Variants in APP observed in about 807,000 individuals in gnomAD.
The protein encoded by APP is amyloid beta precursor protein.
A neutral mutation model predicts 101.4 loss-of-function variants in APP; 31 were observed. The ratio of observed to expected loss-of-function variants is 0.31; its 90% confidence interval spans 0.23 to 0.41. The LOEUF (loss-of-function observed/expected upper bound fraction) is 0.41, where lower values mean the gene tolerates loss of function less well. Ranked by LOEUF, APP falls within the 10% of genes least tolerant of loss-of-function variation. The pLI is 1.00. For synonymous variants in APP, 366 were observed against 364.4 expected, an observed-to-expected ratio of 1.00 and a Z score of -0.05; for missense variants, 839 against 1,003.7, an observed-to-expected ratio of 0.84 and a Z score of 2.22.
In APP at chr21:25,945,748, C is replaced by T. The variant is rs769122492; in HGVS notation, c.1687+8842G>A. ...GGGTCTTGCTCTATTGCCCAGGTGG[C>T]GTGATCAAGGCTCACTGCAGCCTCA... is the stretch of plus-strand genomic sequence containing the variant. On this transcript the variant is annotated intron_variant, in intron 13 of 17. Transcript: ENST00000346798. The T allele has an allele frequency of 3.6e-5, 13 of 359,286 alleles. No individual in the cohort carries two copies. In the Middle Eastern group the frequency reaches 3.9e-3, roughly 108 times the overall value. 22.3% of individuals were successfully genotyped at this position (359,286 alleles called of 1,614,324 possible).
At chr21:26,105,806 A>G (rs796856831) in intron 2 of APP, among the ~76,000 whole-genome samples, 1 of 152,204 alleles carries the variant, frequency 6.6e-6, no homozygotes, top group Non-Finnish European at 1.5e-5. Flanking sequence ...ATCCTAATGC[A>G]TGATGCACTC....
rs1354168608 is a variant in APP, at chr21:25,901,295, TTAAA to T, written c.1964-3626_1964-3623del. Among the ~76,000 whole-genome samples the T allele has an allele frequency of 6.1e-3, 459 of 75,288 alleles. 9 individuals carry two copies. Among genetic ancestry groups the T allele is most frequent in the Non-Finnish European group, 0.012 (309 of 25,472 alleles). The allele number at this position is 75,288 out of a possible 152,430, so 49.4% of individuals were successfully genotyped here. ...CCTGGAAACAGAGACAAATCCTGTTTTAAAAAAAAAAAAAAAAAAAAAACAAAAC... is the reference window on the plus strand; with the variant it reads ...CCTGGAAACAGAGACAAATCCTGTTTAAAAAAAAAAAAAAAAAAACAAAAC... On this transcript the variant is annotated intron_variant, in intron 15 of 17. Transcript: ENST00000346798.
intron 5 of APP, among the ~76,000 whole-genome samples, 166 bp downstream of exon 5, chr21:26,050,834 A>G (rs188409496): frequency 7.9e-5 from 12 of 152,366 alleles, no homozygotes; most frequent in Non-Finnish European, 1.3e-4. Context: ...TTAATTCAAC[A>G]GGATGCCATA....
At chr21:25,948,307 C>A (rs1600993994) in intron 13 of APP, among the ~76,000 whole-genome samples, 1 of 151,986 alleles carries the variant, frequency 6.6e-6, no homozygotes, top group Admixed American at 6.6e-5. Flanking sequence ...ACCCACTAAA[C>A]CCCCAAATCA....
chr21:25,997,398 T>A lies in APP; in HGVS notation c.1052A>T (p.Lys351Met). The A allele has an allele frequency of 1.2e-6, 2 of 1,613,676 alleles. No individual in the cohort carries two copies. Among genetic ancestry groups the A allele is most frequent in the South Asian group, 2.2e-5 (2 of 91,074 alleles). The change falls in exon 8 of 18, where the codon AAG (lysine) becomes ATG (methionine). Residue 351 changes from lysine to methionine, a missense_variant. By Grantham distance (95) the Lys-to-Met change is moderately conservative (BLOSUM62 -1). Coordinates refer to ENST00000346798, the MANE Select transcript of APP (RefSeq NM_000484.4). ...CGSAMSQSLL[K>M]TTQEPLARDP... Reference sequence around the variant, plus strand: ...TCGGGCAAGAGGTTCCTGGGTAGTCTTGAGTAAACTTTGGGACACTATGGA... The same window carrying A: ...TCGGGCAAGAGGTTCCTGGGTAGTCATGAGTAAACTTTGGGACACTATGGA...
In APP at chr21:26,019,159, A is replaced by G. The variant is rs529126285; in HGVS notation, c.865+2681T>C. Among the ~76,000 whole-genome samples, 91 of 152,312 alleles carry G rather than the reference A, an allele frequency of 6.0e-4. 2 individuals are homozygous for G. The South Asian group carries it at 0.019, about 31-fold the overall frequency. On this transcript the variant is annotated intron_variant, in intron 6 of 17. Coordinates refer to ENST00000346798, the MANE Select transcript of APP (RefSeq NM_000484.4). ...AATCTCTTTATTGTCTCCTGGAAAA[A>G]TCTGCAGCGCACAGTAGCTTCTGAA...
rs1317043213 is a variant in APP at position 25,891,719 on chromosome 21, T to A, written c.2211+3A>T. 6.2e-7 allele frequency: 1 copy of A among 1,613,960 alleles called. No homozygotes were observed. The highest frequency in any genetic ancestry group is 1.3e-5 in the African/African-American group (1 of 74,912). ...TTGGAAACATGCAGTCAAGTTTACC[T>A]ACCTCCACCACACCATGATGAATGG... On this transcript the variant is annotated splice_donor_region_variant and intron_variant, in intron 17 of 17. Coordinates refer to ENST00000346798, the MANE Select transcript of APP (RefSeq NM_000484.4).
At chr21:26,036,842 TA>T (rs1382501083) in intron 5 of APP, among the ~76,000 whole-genome samples, 7 of 152,248 alleles carry the variant, frequency 4.6e-5, no homozygotes, top group African/African-American at 1.7e-4. Context: ...GGCATTTATC[TA>T]AAGGAAGAGA....
At chr21:25,914,508 AAC>A (rs1173603467) in intron 13 of APP, among the ~76,000 whole-genome samples, 3 of 146,220 alleles carry the variant, frequency 2.1e-5, no homozygotes, top group Non-Finnish European at 4.5e-5. Flanking sequence ...GCCATGTGAG[AAC>A]AGTTTTTGCT....
chr21:26,145,959 A>G (rs1422773831), intron 1 of APP, among the ~76,000 whole-genome samples: 4 of 152,046 alleles, frequency 2.6e-5, no homozygotes, highest in Non-Finnish European at 5.9e-5. Flanking sequence ...TGCTCTCATA[A>G]TATCCTCATC....
chr21:26,011,598 T>C (rs1366907382), intron 6 of APP, among the ~76,000 whole-genome samples: 1 of 152,086 alleles, frequency 6.6e-6, no homozygotes. Context: ...AAAACATCAA[T>C]AGTACTAAGG....
intron 2 of APP, among the ~76,000 whole-genome samples, chr21:26,102,657 A>G (rs2062087617): frequency 6.6e-6 from 1 of 151,906 alleles, no homozygotes. Context: ...TTGGGAGGCC[A>G]AGACAGGTGG....
chr21:26,043,829 G>GA (rs2045483335), intron 5 of APP, among the ~76,000 whole-genome samples: 1 of 164 alleles, frequency 6.1e-3, no homozygotes, highest in African/African-American at 0.026. Flanking sequence ...AACTACTTGT[G>GA]GGCTGATATT....
rs149868148 is a variant in APP at position 26,025,064 on chromosome 21, T to C, written c.663-3022A>G. The stretch of plus-strand genomic sequence containing the variant: ...AAACACTGGCACTGAAAATCAGATG[T>C]TGGAAGCCTTTATCTCCTCGTAGAA... On this transcript the variant is annotated intron_variant, in intron 5 of 17. Coordinates refer to ENST00000346798, the MANE Select transcript of APP (RefSeq NM_000484.4). 8.0e-3 allele frequency among the ~76,000 whole-genome samples: 1,218 copies of C among 152,308 alleles called. 17 individuals are homozygous for C. The highest frequency in any genetic ancestry group is 0.033 in the Admixed American group (498 of 15,292).
intron 7 of APP, among the ~76,000 whole-genome samples, chr21:25,998,791 CAAAT>C (rs3084256): frequency 6.3e-4 from 95 of 151,734 alleles, no homozygotes; most frequent in African/African-American, 1.6e-3. Context: ...ACAACAACAA[CAAAT>C]AAATAAATAA....
chr21:26,142,920 C>T (rs1424758143), intron 1 of APP, among the ~76,000 whole-genome samples: 4 of 152,198 alleles, frequency 2.6e-5, no homozygotes, highest in African/African-American at 9.6e-5. Context: ...AAAAAGATGT[C>T]CAATTTTTAA....
At chr21:25,993,815 C>T (rs940618260) in intron 8 of APP, among the ~76,000 whole-genome samples, 1 of 152,220 alleles carries the variant, frequency 6.6e-6, no homozygotes, top group African/African-American at 2.4e-5. Context: ...TTAGTTATCA[C>T]AGCTGGAGTT....
chr21:26,063,758 T>C (rs995046793), intron 3 of APP, among the ~76,000 whole-genome samples: 12 of 152,224 alleles, frequency 7.9e-5, no homozygotes, highest in African/African-American at 2.9e-4. Context: ...ATGTAGATAC[T>C]CTGCCCTCAA....
At chr21:26,045,066 G>A (rs1187196513) in intron 5 of APP, among the ~76,000 whole-genome samples, 1 of 152,048 alleles carries the variant, frequency 6.6e-6, no homozygotes, top group Non-Finnish European at 1.5e-5. Flanking sequence ...GCCCAAGGCA[G>A]GAATCTCTCT....
Sources: allele counts gnomAD v4.1 joint callset (sites outside exome capture counted in the v4.1 genomes callset), GRCh38; gene constraint gnomAD v4.1.1; transcripts MANE v1.5; gene names NCBI Gene and HGNC (gene_info 2026-07-23, HGNC 2026-07-21).